Variants in IPO9 observed in about 807,000 individuals in gnomAD.
The protein encoded by IPO9 is importin 9, also known as importin-9.
A neutral mutation model predicts 128.6 loss-of-function variants in IPO9; 28 were observed. The observed-to-expected ratio is 0.22, with a 90% CI of 0.16 to 0.30. IPO9 has a LOEUF of 0.30. IPO9 is among the 10% of genes least tolerant of loss of function. The pLI is 1.00. For synonymous variants in IPO9, 455 were observed against 475.8 expected (o/e 0.96, Z 0.57); for missense variants, 935 against 1,293.9 (o/e 0.72, Z 4.26).
At chr1:201,851,671 T>C (rs1325093914) in intron 4 of IPO9, among the ~76,000 whole-genome samples, 1 of 152,164 alleles carries the variant, frequency 6.6e-6, no homozygotes, top group African/African-American at 2.4e-5. Context: ...AGTCTGTACA[T>C]ATTTTATTAC....
chr1:201,880,469 TA>T lies in IPO9; in HGVS notation c.*4416del, dbSNP rs1680864636. 6.6e-6 allele frequency: 1 copy of T among 152,212 alleles called. No individual in the cohort carries two copies. The highest frequency in any genetic ancestry group is 2.4e-5 in the African/African-American group (1 of 41,456). The allele number at this position is 152,212 out of a possible 1,614,324, so 9.4% of individuals were successfully genotyped here. ...TTGAAGGAGCTAAGAATGCTTAGCT[TA>T]GAGAAGACAAGAGGAAACAGGACAT... is the stretch of plus-strand genomic sequence containing the variant. On this transcript the variant is annotated 3_prime_UTR_variant, in exon 24 of 24. Coordinates refer to ENST00000361565, the MANE Select transcript of IPO9 (RefSeq NM_018085.5).
At chr1:201,836,498 A>T (rs1402407787) in intron 1 of IPO9, among the ~76,000 whole-genome samples, 1 of 152,236 alleles carries the variant, frequency 6.6e-6, no homozygotes, top group South Asian at 2.1e-4. Context: ...TGATCCTTCC[A>T]TGTTAGCCTC....
chr1:201,852,914 A>T, intron 5 of IPO9, 97 bp from the exon 6 acceptor site: 2 of 913,966 alleles, frequency 2.2e-6, no homozygotes, highest in South Asian at 1.4e-5. Flanking sequence ...TCATGTGAGG[A>T]TTCATTAGTC....
chr1:201,841,362 A>T (rs891512068), intron 1 of IPO9, among the ~76,000 whole-genome samples: 6 of 152,216 alleles, frequency 3.9e-5, no homozygotes, highest in African/African-American at 1.4e-4. Context: ...ATAAGTATAG[A>T]TGATGAGAGC....
In IPO9 at chr1:201,868,590, C is replaced by G. The variant is rs1055163682; in HGVS notation, c.1856-58C>G. On this transcript the variant is annotated intron_variant, in intron 15 of 23. Transcript: ENST00000361565. ...GGGCCAAACAACAGGCATCATTAAG[C>G]GAGAAGCAGATGCAGACCATCAGGC... 3 of 1,552,952 alleles carry G rather than the reference C, an allele frequency of 1.9e-6. No individual in the cohort carries two copies. In the African/African-American group the frequency reaches 4.1e-5, roughly 21 times the overall value.
chr1:201,843,030 C>T (rs1680063836), intron 1 of IPO9, among the ~76,000 whole-genome samples: 1 of 151,994 alleles, frequency 6.6e-6, no homozygotes, highest in Non-Finnish European at 1.5e-5. Flanking sequence ...AATAAGTACC[C>T]AAACTTTTCC....
intron 1 of IPO9, among the ~76,000 whole-genome samples, chr1:201,843,827 CAAAAAA>C (rs35870198): frequency 4.2e-5 from 4 of 95,984 alleles, no homozygotes; most frequent in African/African-American, 1.2e-4. Flanking sequence ...GATTCTGTCT[CAAAAAA>C]AAAAAAAAAA....
rs759522261 is a variant in IPO9, at chr1:201,863,438, T to C, written c.1469-10T>C. On this transcript the variant is annotated splice_polypyrimidine_tract_variant and intron_variant, in intron 13 of 23. Coordinates refer to ENST00000361565, the MANE Select transcript of IPO9 (RefSeq NM_018085.5). ...TTTTCCAGCCCCTAATTGTTCTGTC[T>C]TTCTCCCAGTGTCTCCTTTCCTCTT... The C allele has an allele frequency of 6.4e-7, 1 of 1,563,096 alleles. No homozygotes were observed. The highest frequency in any genetic ancestry group is 1.7e-5 in the Admixed American group (1 of 59,244).
Position 201,872,816 on chromosome 1 carries a change from C to T in IPO9, c.2577-12C>T, listed in dbSNP as rs1250647749. The T allele has an allele frequency of 6.3e-7, 1 of 1,595,586 alleles. No individual in the cohort carries two copies. Among genetic ancestry groups the T allele is most frequent in the Admixed American group, 1.8e-5 (1 of 56,168 alleles). On this transcript the variant is annotated splice_polypyrimidine_tract_variant and intron_variant, in intron 19 of 23. Transcript: ENST00000361565. ...GCGGCTGATTGACCTTTTTTTGGAT[C>T]TTCCTTGCCAGCTCTGTGGCACTCT...
chr1:201,846,263 G>T (rs1177948509), intron 1 of IPO9, among the ~76,000 whole-genome samples: 2 of 152,206 alleles, frequency 1.3e-5, no homozygotes, highest in Non-Finnish European at 2.9e-5. Flanking sequence ...GGTTTTCTTG[G>T]ACTTAATCAG....
intron 4 of IPO9, chr1:201,850,334 G>A (rs1680191733): frequency 1.3e-5 from 2 of 152,198 alleles, no homozygotes; most frequent in Admixed American, 1.3e-4. Context: ...GCAGGACATT[G>A]GTGGTTGGAC....
At chr1:201,835,445 G>T (rs747698615) in intron 1 of IPO9, among the ~76,000 whole-genome samples, 1 of 152,150 alleles carries the variant, frequency 6.6e-6, no homozygotes, top group African/African-American at 2.4e-5. Flanking sequence ...AGAGGGCAGA[G>T]GATTTCTTAG....
rs374424727 is a variant in IPO9 at position 201,876,094 on chromosome 1, C to A, written c.*40C>A. ...CTACATTTGCTCCTTCTGGGCCAGC[C>A]GCAAACCATTTTGCAGCCCTCACTG... On this transcript the variant is annotated 3_prime_UTR_variant, in exon 24 of 24. Transcript: ENST00000361565. 1.5e-6 allele frequency: 2 copies of A among 1,361,960 alleles called. No homozygotes were observed. Among genetic ancestry groups the A allele is most frequent in the Admixed American group, 1.7e-5 (1 of 59,726 alleles). The allele number at this position is 1,361,960 out of a possible 1,614,324, so 84.4% of individuals were successfully genotyped here. A position where few individuals can be genotyped will look rare whatever the true frequency, so the allele number is the denominator to read the frequency against.
chr1:201,873,408 G>A (rs1222499922), intron 20 of IPO9, among the ~76,000 whole-genome samples: 1 of 132,524 alleles, frequency 7.5e-6, no homozygotes, highest in African/African-American at 2.9e-5. Flanking sequence ...TCGTGCCACT[G>A]CATTCCAGCC....
intron 19 of IPO9, among the ~76,000 whole-genome samples, chr1:201,871,531 A>G (rs879891479): frequency 6.6e-6 from 1 of 151,512 alleles, no homozygotes; most frequent in Admixed American, 6.6e-5. Context: ...TATTACACAC[A>G]TGCACCACCA....
chr1:201,830,846 G>A (rs1369030511), intron 1 of IPO9, among the ~76,000 whole-genome samples: 2 of 152,176 alleles, frequency 1.3e-5, no homozygotes, highest in Non-Finnish European at 2.9e-5. Context: ...TGGCACCTTT[G>A]TATGAAAGGT....
Position 201,874,286 on chromosome 1 carries a change from A to G in IPO9, c.2747A>G (p.Lys916Arg). Residue 916 changes from lysine to arginine, a missense_variant, in exon 21 of 24, where the codon AAG (lysine) becomes AGG (arginine). Physicochemically the swap from Lys to Arg is conservative, Grantham distance 26. Transcript: ENST00000361565. ...ERWTNIPLLV[K>R]ILKLIINELS... ...TGGACAAACATTCCTTTGCTGGTCA[A>G]GATCCTAAAGCTGATCATCAACGAG... The G allele has an allele frequency of 5.0e-6, 8 of 1,613,934 alleles. No individual in the cohort carries two copies. Among genetic ancestry groups the G allele is most frequent in the Non-Finnish European group, 5.9e-6 (7 of 1,179,862 alleles).
In IPO9 at chr1:201,870,892, C is replaced by G; in HGVS notation, c.2409+34C>G. ...GCAGTGGGGAGTGGGCTTCCTACTCCCTGGCTGATAGAAATGAAAATTCGT... is the reference window on the plus strand; with the variant it reads ...GCAGTGGGGAGTGGGCTTCCTACTCGCTGGCTGATAGAAATGAAAATTCGT... On this transcript the variant is annotated intron_variant, in intron 18 of 23. Transcript: ENST00000361565. The surrounding 1 kb of genome is among the most constrained non-coding windows in gnomAD (Gnocchi z 4.9). 1 of 1,569,766 alleles carries G rather than the reference C, an allele frequency of 6.4e-7. No individual in the cohort carries two copies. Among genetic ancestry groups the G allele is most frequent in the Non-Finnish European group, 8.6e-7 (1 of 1,159,636 alleles).
At chr1:201,837,238 A>G (rs891312183) in intron 1 of IPO9, among the ~76,000 whole-genome samples, 4 of 152,288 alleles carry the variant, frequency 2.6e-5, no homozygotes, top group Admixed American at 2.6e-4. Context: ...TTATTACTGT[A>G]TTAGAGTGAA....
Sources: gnomAD v4.1 joint callset for allele counts (sites outside exome capture counted in the v4.1 genomes callset) on GRCh38, gnomAD v4.1.1 for gene constraint, Gnocchi (gnomAD v3.1) non-coding constraint, MANE v1.5 for transcripts, NCBI Gene and HGNC (gene_info 2026-07-23, HGNC 2026-07-21) for gene names.